Variants in EXO1 observed in about 807,000 individuals in gnomAD.
EXO1 encodes exonuclease 1.
EXO1 carries 69 observed loss-of-function variants against 84.5 expected under a neutral mutation model. The observed-to-expected ratio is 0.82, with a 90% confidence interval of 0.67 to 1.00. The LOEUF (loss-of-function observed/expected upper bound fraction) is 1.00. EXO1 is among the 50% of genes least tolerant of loss of function. EXO1 has a pLI of 0.00. For missense variants in EXO1, 1,045 were observed against 1,000.7 expected (o/e 1.04, Z -0.60); for synonymous variants, 373 against 366.1 (o/e 1.02, Z -0.21).
chr1:241,853,311 T>G (rs1278613900), intron 5 of EXO1, 47 bp from the exon 6 acceptor site: 9 of 1,603,048 alleles, frequency 5.6e-6, no homozygotes, highest in Non-Finnish European at 6.0e-6. Flanking sequence ...GTTTCTTGAG[T>G]CAGCCTCTTA....
At chr1:241,888,252 A>T (rs532797559) in intron 15 of EXO1, among the ~76,000 whole-genome samples, 64 of 151,848 alleles carry the variant, frequency 4.2e-4, no homozygotes, top group South Asian at 1.3e-3. Context: ...AAAAAAATTT[A>T]AAAAAAAATG....
intron 10 of EXO1, among the ~76,000 whole-genome samples, chr1:241,864,257 A>C (rs1485154867): frequency 1.3e-5 from 2 of 152,212 alleles, no homozygotes; most frequent in Non-Finnish European, 2.9e-5. Context: ...TTCTCTGCAC[A>C]GTTACATTTT....
At chr1:241,851,156 T>C (rs1558119928) in intron 4 of EXO1, among the ~76,000 whole-genome samples, 1 of 152,316 alleles carries the variant, frequency 6.6e-6, no homozygotes, top group South Asian at 2.1e-4. Flanking sequence ...ATAAATTTTT[T>C]AACAAATGCT....
chr1:241,865,267 G>A (rs185127914), intron 10 of EXO1, among the ~76,000 whole-genome samples: 159 of 148,358 alleles, frequency 1.1e-3, no homozygotes, highest in Admixed American at 2.5e-3. Context: ...GCTGGCACGC[G>A]GTGGCATGAT....
In EXO1 at chr1:241,882,034, ATT is replaced by A; in HGVS notation, c.2211+26_2211+27del. 4 of 1,229,808 alleles carry A rather than the reference ATT, an allele frequency of 3.3e-6. No homozygotes were observed. Among genetic ancestry groups the A allele is most frequent in the Admixed American group, 1.8e-5 (1 of 56,446 alleles). 76.2% of individuals were successfully genotyped at this position (1,229,808 alleles called of 1,614,324 possible). Reference sequence around the variant, plus strand: ...AGGAACAAGGTAAAACATTTATTTAATTTTTTTTTTAATTTCAGAAGCGGTGT... The same window carrying A: ...AGGAACAAGGTAAAACATTTATTTAATTTTTTTTAATTTCAGAAGCGGTGT... On this transcript the variant is annotated intron_variant, in intron 14 of 15. Transcript: ENST00000366548.
chr1:241,859,779 C>T (rs370189760), intron 8 of EXO1, among the ~76,000 whole-genome samples: 1 of 152,320 alleles, frequency 6.6e-6, no homozygotes, highest in Non-Finnish European at 1.5e-5. Flanking sequence ...GACATTGCTA[C>T]TTTGTAGTTT....
At chr1:241,889,309 C>T (rs537193261) in intron 15 of EXO1, among the ~76,000 whole-genome samples, 156 bp from the exon 16 acceptor site, 1 of 152,242 alleles carries the variant, frequency 6.6e-6, no homozygotes, top group East Asian at 1.9e-4. Context: ...GGAGTGCTCA[C>T]AGGAGAACCT....
chr1:241,871,640 A>T (rs912647735), intron 11 of EXO1, among the ~76,000 whole-genome samples: 1 of 152,200 alleles, frequency 6.6e-6, no homozygotes, highest in African/African-American at 2.4e-5. Flanking sequence ...TGCTGGTTTT[A>T]TTGGAACATT....
chr1:241,878,605 G>A (rs1662543389), intron 12 of EXO1, 144 bp from the exon 13 acceptor site: 3 of 595,986 alleles, frequency 5.0e-6, no homozygotes, highest in Non-Finnish European at 8.8e-6. Flanking sequence ...TAAAATTTAA[G>A]ATTTTTTATG....
intron 14 of EXO1, 49 bp from the exon 15 acceptor site, chr1:241,885,265 A>G: frequency 3.4e-6 from 4 of 1,186,744 alleles, no homozygotes; most frequent in Middle Eastern, 4.1e-4. Context: ...TTGAAATTAA[A>G]GTTAGTTGCT....
In EXO1 at chr1:241,878,912, A is replaced by G; in HGVS notation, c.1678A>G (p.Ser560Gly). 1 of 1,614,210 alleles carries G rather than the reference A, an allele frequency of 6.2e-7. No individual in the cohort carries two copies. The highest frequency in any genetic ancestry group is 8.5e-7 in the Non-Finnish European group (1 of 1,180,032). The change falls in exon 13 of 16, where the codon AGT (serine) becomes GGT (glycine). Residue 560 changes from serine (S) to glycine (G), a missense_variant. Coordinates refer to ENST00000366548, the MANE Select transcript of EXO1 (RefSeq NM_130398.4). Reference protein sequence around the residue: ...LVDTDVARNSSDDIPNNHIPG... With the variant: ...LVDTDVARNSGDDIPNNHIPG... ...TGACACAGATGTAGCACGTAATTCAAGTGATGACATTCCGAATAATCATAT... is the reference window on the plus strand; with the variant it reads ...TGACACAGATGTAGCACGTAATTCAGGTGATGACATTCCGAATAATCATAT...
At chr1:241,858,442 C>A in intron 7 of EXO1, 64 bp from the exon 8 acceptor site, 2 of 942,202 alleles carry the variant, frequency 2.1e-6, no homozygotes, top group Admixed American at 1.7e-5. Context: ...AAAATTATTG[C>A]AGTGGATTAG....
At chr1:241,885,937 T>C (rs1365929286) in intron 15 of EXO1, among the ~76,000 whole-genome samples, 3 of 150,470 alleles carry the variant, frequency 2.0e-5, no homozygotes, top group African/African-American at 7.3e-5. Flanking sequence ...CACCGCAACC[T>C]CCGCCACCTG....
intron 14 of EXO1, among the ~76,000 whole-genome samples, chr1:241,884,190 C>T (rs1662917626): frequency 6.6e-6 from 1 of 152,170 alleles, no homozygotes; most frequent in African/African-American, 2.4e-5. Context: ...AACCAAACAT[C>T]GATACCTCTC....
In EXO1 at chr1:241,889,800, A is replaced by G. The variant is rs4150022; in HGVS notation, c.*200A>G. ...TTTTTATATTTTTATAAGAAGCTAA[A>G]TAGAAGAATAATTGTATCTCTGACA... On this transcript the variant is annotated 3_prime_UTR_variant, in exon 16 of 16. Transcript: ENST00000366548. 6.9e-3 allele frequency: 4,045 copies of G among 583,700 alleles called. 118 individuals are homozygous for G. The highest frequency in any genetic ancestry group is 0.066 in the African/African-American group (3,512 of 53,550). 36.2% of individuals were successfully genotyped at this position (583,700 alleles called of 1,614,324 possible).
intron 6 of EXO1, among the ~76,000 whole-genome samples, chr1:241,856,784 A>G (rs1043901281): frequency 3.9e-5 from 6 of 152,340 alleles, no homozygotes; most frequent in Admixed American, 3.3e-4. Context: ...CAATGCCAAC[A>G]CTTTGGGAAG....
chr1:241,888,196 C>A (rs1052720941), intron 15 of EXO1, among the ~76,000 whole-genome samples: 1 of 151,902 alleles, frequency 6.6e-6, no homozygotes, highest in Non-Finnish European at 1.5e-5. Context: ...ACTGAGATTG[C>A]GGCACTGCAC....
At chr1:241,878,523 G>A (rs1257380530) in intron 12 of EXO1, among the ~76,000 whole-genome samples, 1 of 150,772 alleles carries the variant, frequency 6.6e-6, no homozygotes, top group African/African-American at 2.4e-5. Flanking sequence ...GGAAAATCCT[G>A]TCTAAAAATT....
At chr1:241,874,073 G>T (rs992932552) in intron 12 of EXO1, among the ~76,000 whole-genome samples, 2 of 152,168 alleles carry the variant, frequency 1.3e-5, no homozygotes, top group African/African-American at 4.8e-5. Context: ...TGCCAACGTG[G>T]GAACTTTTAG....
Sources: gnomAD v4.1 joint callset for allele counts (sites outside exome capture counted in the v4.1 genomes callset) on GRCh38, gnomAD v4.1.1 for gene constraint, MANE v1.5 for transcripts, NCBI Gene and HGNC (gene_info 2026-07-23, HGNC 2026-07-21) for gene names.